Variants in EDIL3 observed in about 807,000 individuals in gnomAD.
The protein encoded by EDIL3 is EGF-like repeat and discoidin I-like domain-containing protein 3.
EDIL3 carries 37 observed loss-of-function variants against 67.4 expected under a neutral mutation model. The observed-to-expected ratio is 0.55, with a 90% confidence interval of 0.42 to 0.72. The LOEUF is 0.72. EDIL3 is among the 30% of genes least tolerant of loss of function. The pLI is 0.00. For missense variants in EDIL3, 527 were observed against 586.3 expected, an observed-to-expected ratio of 0.90 and a Z score of 1.04; for synonymous variants, 195 against 196.3, an observed-to-expected ratio of 0.99 and a Z score of 0.05.
At chr5:84,231,425 A>C (rs1443338950) in intron 2 of EDIL3, among the ~76,000 whole-genome samples, 3 of 152,226 alleles carry the variant, frequency 2.0e-5, no homozygotes, top group Non-Finnish European at 4.4e-5. Flanking sequence ...GACACAAGCC[A>C]GTCCTATTTC....
intron 4 of EDIL3, among the ~76,000 whole-genome samples, chr5:84,141,924 C>T (rs495012): frequency 0.4 from 50,741 of 127,604 alleles, 10,378 homozygotes; most frequent in East Asian, 0.75. Flanking sequence ...TATATATATA[C>T]ACATATATAT....
At chr5:83,957,979 C>G (rs747323803) in intron 10 of EDIL3, among the ~76,000 whole-genome samples, 1 of 151,534 alleles carries the variant, frequency 6.6e-6, no homozygotes, top group East Asian at 1.9e-4. Context: ...TATATTATTT[C>G]AATTTAAAAT....
chr5:84,226,883 T>G (rs183305203), intron 3 of EDIL3, among the ~76,000 whole-genome samples: 1 of 152,088 alleles, frequency 6.6e-6, no homozygotes, highest in Non-Finnish European at 1.5e-5. Context: ...AATGTTCAGT[T>G]GCATTTCACA....
intron 2 of EDIL3, among the ~76,000 whole-genome samples, chr5:84,251,049 C>T (rs115305601): frequency 0.013 from 1,956 of 152,138 alleles, 47 homozygotes; most frequent in African/African-American, 0.045. Flanking sequence ...TGCATTGGTG[C>T]TAGATAACAA....
chr5:84,048,549 T>C (rs1275124912), intron 9 of EDIL3, among the ~76,000 whole-genome samples: 4 of 152,014 alleles, frequency 2.6e-5, no homozygotes, highest in Admixed American at 1.3e-4. Flanking sequence ...TGAAATACTA[T>C]GCAGACTACC....
intron 5 of EDIL3, among the ~76,000 whole-genome samples, chr5:84,130,821 A>G (rs1003407985): frequency 6.6e-6 from 1 of 152,140 alleles, no homozygotes; most frequent in African/African-American, 2.4e-5. Context: ...CAAATTGGGT[A>G]TTTGTAGTTC....
At chr5:84,115,078 C>CT (rs763170904) in intron 5 of EDIL3, among the ~76,000 whole-genome samples, 1 of 152,058 alleles carries the variant, frequency 6.6e-6, no homozygotes, top group African/African-American at 2.4e-5. Flanking sequence ...ACTTTTCTTT[C>CT]TTTTTTGAAG....
At chr5:83,965,631 C>A (rs1561387585) in intron 9 of EDIL3, among the ~76,000 whole-genome samples, 1 of 151,902 alleles carries the variant, frequency 6.6e-6, no homozygotes. Flanking sequence ...TTCTAACATC[C>A]CCTTTTCTGC....
intron 8 of EDIL3, among the ~76,000 whole-genome samples, chr5:84,061,792 G>A (rs1178636587): frequency 6.6e-6 from 1 of 152,112 alleles, no homozygotes; most frequent in Admixed American, 6.6e-5. Context: ...CATCCCAACA[G>A]ATGGCAATGG....
At chr5:84,254,738 G>A (rs1745094891) in intron 1 of EDIL3, among the ~76,000 whole-genome samples, 1 of 152,188 alleles carries the variant, frequency 6.6e-6, no homozygotes. Flanking sequence ...TTGGAGTGCT[G>A]AGATCGTCAT....
intron 1 of EDIL3, among the ~76,000 whole-genome samples, chr5:84,259,134 T>C (rs1745177811): frequency 6.6e-6 from 1 of 152,040 alleles, no homozygotes; most frequent in South Asian, 2.1e-4. Flanking sequence ...TAATTTTCTG[T>C]ATTTTTAGTA....
At chr5:84,137,780 TCTAA>T (rs1240080712) in intron 4 of EDIL3, among the ~76,000 whole-genome samples, 1 of 152,208 alleles carries the variant, frequency 6.6e-6, no homozygotes. Flanking sequence ...TCATTACAAT[TCTAA>T]CTGACAGAGA....
Position 84,064,722 on chromosome 5 carries a change from T to A in EDIL3, c.930A>T (p.Glu310Asp). Residue 310 changes from glutamate (E) to aspartate (D), a missense_variant, in exon 8 of 11, where the codon GAA becomes GAT. Around this residue, in one of 2 missense-constraint regions of EDIL3, gnomAD observed 494 missense variants for 522.5 expected, o/e 0.95. Transcript: ENST00000296591. ...TACCCGACAGTTCACAGCCAAGAAG[T>A]TCCATTCGCAAAGTGCAATGTCTTC... ...VCRRHCTLRM[E>D]LLGCELSGCS... is the part of the protein sequence containing the mutation. The A allele has an allele frequency of 6.2e-7, 1 of 1,613,076 alleles. No homozygotes were observed. The highest frequency in any genetic ancestry group is 8.5e-7 in the Non-Finnish European group (1 of 1,179,380).
chr5:83,982,788 A>T, intron 9 of EDIL3, among the ~76,000 whole-genome samples: 1 of 152,234 alleles, frequency 6.6e-6, no homozygotes, highest in Non-Finnish European at 1.5e-5. Context: ...GCCTCAAAGA[A>T]GCTATGTGAC....
intron 3 of EDIL3, among the ~76,000 whole-genome samples, chr5:84,226,303 G>C (rs912990309): frequency 1.5e-4 from 22 of 151,598 alleles, no homozygotes; most frequent in Non-Finnish European, 2.4e-4. Context: ...AAGGAGATGA[G>C]AGTGAAAACA....
At chr5:84,357,686 C>T (rs553735650) in intron 1 of EDIL3, among the ~76,000 whole-genome samples, 30 of 151,946 alleles carry the variant, frequency 2.0e-4, no homozygotes, top group Non-Finnish European at 4.1e-4. Context: ...GTCAGGACTT[C>T]GAAACCAGCC....
chr5:84,294,347 T>C (rs1745996298), intron 1 of EDIL3, among the ~76,000 whole-genome samples: 1 of 129,804 alleles, frequency 7.7e-6, no homozygotes. Context: ...ATCATTCCAC[T>C]GCACTCCAGC....
intron 9 of EDIL3, among the ~76,000 whole-genome samples, chr5:84,007,359 T>C (rs778826419): frequency 2.0e-5 from 3 of 151,734 alleles, no homozygotes; most frequent in Non-Finnish European, 4.4e-5. Flanking sequence ...GGGAAAAAAA[T>C]AGCAAACTAT....
At chr5:84,158,008 A>G (rs1182643009) in intron 4 of EDIL3, among the ~76,000 whole-genome samples, 3 of 152,114 alleles carry the variant, frequency 2.0e-5, no homozygotes, top group Non-Finnish European at 4.4e-5. Context: ...GCTATAACAA[A>G]GCAGCATGCT....
Sources: allele counts gnomAD v4.1 joint callset (sites outside exome capture counted in the v4.1 genomes callset), GRCh38; gene constraint gnomAD v4.1.1; regional missense constraint gnomAD v4.1.1; transcripts MANE v1.5; gene names NCBI Gene and HGNC (gene_info 2026-07-23, HGNC 2026-07-21).